ZNF804B: variants seen among roughly 807,000 people sequenced by gnomAD.
The protein encoded by ZNF804B is zinc finger protein 804B, also known as zinc finger 804B.
In ZNF804B, 80 loss-of-function variants were observed where a neutral mutation model predicts 101.4. The observed-to-expected ratio is 0.79, with a 90% CI of 0.66 to 0.95. The LOEUF is 0.95. Among genes scored for constraint, ZNF804B ranks in the 40% least tolerant of loss-of-function variants. ZNF804B has a pLI of 0.00. For synonymous variants in ZNF804B, 622 were observed against 558.8 expected (o/e 1.11, Z -1.59); for missense variants, 1,673 against 1,561.9 (o/e 1.07, Z -1.20).
intron 2 of ZNF804B, among the ~76,000 whole-genome samples, chr7:89,268,658 A>T (rs1789835996): frequency 6.7e-6 from 1 of 150,186 alleles, no homozygotes; most frequent in Non-Finnish European, 1.5e-5. Context: ...TTTTTCCTTC[A>T]CGCAGCTCGG....
intron 1 of ZNF804B, among the ~76,000 whole-genome samples, chr7:89,111,376 C>T (rs1388751954): frequency 6.6e-6 from 1 of 152,172 alleles, no homozygotes; most frequent in African/African-American, 2.4e-5. Flanking sequence ...CTTGTAGCTC[C>T]ACAACCTCTC....
intron 1 of ZNF804B, among the ~76,000 whole-genome samples, chr7:88,779,307 A>T (rs2115654933): frequency 6.6e-6 from 1 of 152,332 alleles, no homozygotes; most frequent in South Asian, 2.1e-4. Context: ...GCCCATTGAC[A>T]TTATGAAATT....
chr7:88,853,275 T>A (rs1399926967), intron 1 of ZNF804B, among the ~76,000 whole-genome samples: 1 of 152,090 alleles, frequency 6.6e-6, no homozygotes, highest in Non-Finnish European at 1.5e-5. Flanking sequence ...ACTGTTAGAT[T>A]TTCTAACAGC....
At chr7:88,768,528 G>A (rs754869403) in intron 1 of ZNF804B, among the ~76,000 whole-genome samples, 18 of 152,238 alleles carry the variant, frequency 1.2e-4, no homozygotes, top group South Asian at 8.3e-4. Context: ...GATCAACCTG[G>A]GCAAGATGGC....
chr7:89,249,666 T>C (rs923909881), intron 2 of ZNF804B, among the ~76,000 whole-genome samples: 4 of 152,128 alleles, frequency 2.6e-5, no homozygotes, highest in Non-Finnish European at 5.9e-5. Context: ...CAGTGCTAAA[T>C]GCCTACCACA....
chr7:88,805,496 A>G (rs534313307), intron 1 of ZNF804B, among the ~76,000 whole-genome samples: 9 of 152,288 alleles, frequency 5.9e-5, no homozygotes, highest in Non-Finnish European at 1.2e-4. Flanking sequence ...ATTTTAACTC[A>G]AGGTACCTCC....
chr7:89,272,822 G>A (rs949594600), intron 2 of ZNF804B, among the ~76,000 whole-genome samples: 11 of 151,942 alleles, frequency 7.2e-5, no homozygotes, highest in African/African-American at 2.4e-4. Context: ...CAAAACAAGC[G>A]TTTAATTAAC....
chr7:88,954,565 C>A (rs534684556), intron 1 of ZNF804B, among the ~76,000 whole-genome samples: 7 of 150,686 alleles, frequency 4.6e-5, no homozygotes, highest in Admixed American at 3.3e-4. Flanking sequence ...GCCCCCCCCC[C>A]ACCACGGGTG....
At chr7:89,311,355 T>C (rs1790648478) in intron 2 of ZNF804B, among the ~76,000 whole-genome samples, 1 of 152,180 alleles carries the variant, frequency 6.6e-6, no homozygotes, top group Admixed American at 6.6e-5. Context: ...AAAGAAATGG[T>C]GATAATTTTG....
At chr7:89,262,839 A>G (rs1227153225) in intron 2 of ZNF804B, among the ~76,000 whole-genome samples, 1 of 152,242 alleles carries the variant, frequency 6.6e-6, no homozygotes, top group African/African-American at 2.4e-5. Flanking sequence ...TAGGTATAAT[A>G]TCTTCCTAAT....
intron 1 of ZNF804B, among the ~76,000 whole-genome samples, chr7:89,184,828 A>G (rs951816027): frequency 2.6e-5 from 4 of 152,086 alleles, no homozygotes; most frequent in African/African-American, 7.2e-5. Flanking sequence ...TGCCAAAACT[A>G]ATTGAAATGT....
chr7:88,942,234 A>G (rs1458180991), intron 1 of ZNF804B, among the ~76,000 whole-genome samples: 2 of 151,846 alleles, frequency 1.3e-5, no homozygotes, highest in Admixed American at 6.6e-5. Context: ...ATGTGCTTCT[A>G]CCTCCTCATT....
intron 1 of ZNF804B, among the ~76,000 whole-genome samples, chr7:88,971,913 C>T (rs1009249544): frequency 6.6e-6 from 1 of 151,474 alleles, no homozygotes; most frequent in African/African-American, 2.4e-5. Context: ...ACTCCATTTA[C>T]TGTTTCATTT....
intron 1 of ZNF804B, among the ~76,000 whole-genome samples, chr7:89,044,805 G>A (rs980838711): frequency 3.9e-5 from 6 of 152,170 alleles, no homozygotes; most frequent in African/African-American, 1.4e-4. Context: ...GAGAATAAAA[G>A]TTTGGAAAAT....
rs796784843 is a variant in ZNF804B, at chr7:89,274,317, C to G, written c.250-53027C>G. ...CAGTGCTATCCCTCCCCCCTCCCCCCACCCCACCACAGTCCCCAGAGTGTG... is the reference window on the plus strand; with the variant it reads ...CAGTGCTATCCCTCCCCCCTCCCCCGACCCCACCACAGTCCCCAGAGTGTG... On this transcript the variant is annotated intron_variant, in intron 2 of 3. Transcript: ENST00000333190. Among the ~76,000 whole-genome samples the G allele has an allele frequency of 4.7e-3, 463 of 98,434 alleles. 8 individuals are homozygous for G. The highest frequency in any genetic ancestry group is 0.018 in the African/African-American group (444 of 24,872). The allele number at this position is 98,434 out of a possible 152,430, so 64.6% of individuals were successfully genotyped here.
Position 89,334,597 on chromosome 7 carries a change from A to G in ZNF804B, c.1615A>G (p.Met539Val), listed in dbSNP as rs771731830. The G allele has an allele frequency of 3.7e-6, 6 of 1,613,824 alleles. No individual in the cohort carries two copies. The highest frequency in any genetic ancestry group is 3.3e-5 in the Admixed American group (2 of 59,918). ...TTATCAATATCCGAAACCAAAGACG[A>G]TGATAGCTAATCCGGATTGGGAAAA... ...EDYQYPKPKT[M>V]IANPDWEKFQ... is the part of the protein sequence containing the mutation. Residue 539 changes from methionine to valine, a missense_variant, in exon 4 of 4, where the codon ATG becomes GTG. Met to Val is a conservative substitution (Grantham distance 21). Transcript: ENST00000333190.
intron 1 of ZNF804B, among the ~76,000 whole-genome samples, chr7:89,177,532 G>T (rs1791339256): frequency 6.6e-6 from 1 of 152,126 alleles, no homozygotes; most frequent in Admixed American, 6.6e-5. Flanking sequence ...GGCCAAATAT[G>T]TTATATCCTT....
intron 1 of ZNF804B, among the ~76,000 whole-genome samples, chr7:89,036,442 G>T (rs780126757): frequency 6.6e-6 from 1 of 151,906 alleles, no homozygotes; most frequent in African/African-American, 2.4e-5. Context: ...TAATTTATGT[G>T]AGGGGATTCC....
At chr7:88,912,181 A>G (rs1792558964) in intron 1 of ZNF804B, among the ~76,000 whole-genome samples, 1 of 151,976 alleles carries the variant, frequency 6.6e-6, no homozygotes, top group Admixed American at 6.6e-5. Flanking sequence ...AGTCATCAAC[A>G]ATTGTTGTTG....
Sources: allele counts gnomAD v4.1 joint callset (sites outside exome capture counted in the v4.1 genomes callset), GRCh38; gene constraint gnomAD v4.1.1; transcripts MANE v1.5; gene names NCBI Gene and HGNC (gene_info 2026-07-23, HGNC 2026-07-21).